C5: variants seen among roughly 807,000 people sequenced by gnomAD.
C5 encodes the protein C3 and PZP-like alpha-2-macroglobulin domain-containing protein 4.
In C5, 140 loss-of-function variants were observed where a neutral mutation model predicts 218.8. The observed-to-expected ratio is 0.64, with a 90% CI of 0.56 to 0.74. C5 has a LOEUF of 0.74. Ranked by LOEUF, C5 falls within the 30% of genes least tolerant of loss-of-function variation. The pLI, the probability that C5 is intolerant of heterozygous loss-of-function variation, is 0.00. For synonymous variants in C5, 614 were observed against 682.3 expected (o/e 0.90, Z 1.56); for missense variants, 1,700 against 1,969.6 (o/e 0.86, Z 2.59).
chr9:120,999,507 C>T (rs1293885569), intron 20 of C5, among the ~76,000 whole-genome samples: 2 of 152,184 alleles, frequency 1.3e-5, no homozygotes, highest in African/African-American at 2.4e-5. Context: ...AATCCTTGCT[C>T]AAACCTGGCT....
chr9:120,972,086 C>T, intron 30 of C5, 94 bp from the exon 31 acceptor site: 3 of 945,962 alleles, frequency 3.2e-6, no homozygotes, highest in Non-Finnish European at 5.1e-6. Flanking sequence ...CATGTACCAG[C>T]CTCCTCTCTC....
chr9:120,995,939 T>C (rs1249247556), intron 22 of C5, among the ~76,000 whole-genome samples: 1 of 151,834 alleles, frequency 6.6e-6, no homozygotes, highest in Non-Finnish European at 1.5e-5. Flanking sequence ...CTGCCTCAGC[T>C]TCCCAAATAG....
At chr9:120,987,516 G>A (rs575042254) in intron 25 of C5, among the ~76,000 whole-genome samples, 3 of 151,378 alleles carry the variant, frequency 2.0e-5, no homozygotes, top group Non-Finnish European at 4.4e-5. Flanking sequence ...GTGCGCGCCT[G>A]TAATCCCAGC....
At chr9:120,957,014 A>G (rs1348802372) in intron 39 of C5, 1 of 374,524 alleles carries the variant, frequency 2.7e-6, no homozygotes, top group Non-Finnish European at 5.1e-6. Context: ...TATCCCCTGA[A>G]CCTAAAATAA....
the C5 span, among the ~76,000 whole-genome samples, chr9:121,071,628 T>A: frequency 6.6e-6 from 1 of 152,062 alleles, no homozygotes; most frequent in African/African-American, 2.4e-5. Context: ...AAGGCTGCAG[T>A]GAGTTATGAT....
At chr9:120,982,358 C>G (rs1267633033) in intron 26 of C5, among the ~76,000 whole-genome samples, 1 of 152,208 alleles carries the variant, frequency 6.6e-6, no homozygotes, top group African/African-American at 2.4e-5. Flanking sequence ...CTTCCTGCTT[C>G]CCATTTCTCA....
rs757162315 is a variant in C5, at chr9:121,032,155, AG to A, written c.624del (p.Ser210GlnfsTer41). 1 of 1,608,744 alleles carries A rather than the reference AG, an allele frequency of 6.2e-7. No individual in the cohort carries two copies. Among genetic ancestry groups the A allele is most frequent in the South Asian group, 1.1e-5 (1 of 90,972 alleles). On this transcript the variant is annotated frameshift_variant, in exon 6 of 41. Coordinates refer to ENST00000223642, the MANE Select transcript of C5 (RefSeq NM_001735.3). LOFTEE classifies it high-confidence loss of function. Reference sequence around the variant, plus strand: ...AAATATGCGGTTCCAGTTGTTGAAAAGTCCTCTTTATATTTAGCCTTGATCG... The same window carrying A: ...AAATATGCGGTTCCAGTTGTTGAAAATCCTCTTTATATTTAGCCTTGATCG... ...MWTIKAKYKE[D>X]FSTTGTAYFE...
At chr9:120,956,670 A>G (rs896910866) in intron 39 of C5, among the ~76,000 whole-genome samples, 2 of 152,230 alleles carry the variant, frequency 1.3e-5, no homozygotes, top group African/African-American at 2.4e-5. Context: ...TTACAAGGCT[A>G]CAGTAACCAA....
At chr9:120,962,299 G>T (rs1227903545) in intron 36 of C5, among the ~76,000 whole-genome samples, 1 of 152,198 alleles carries the variant, frequency 6.6e-6, no homozygotes, top group Non-Finnish European at 1.5e-5. Context: ...AGTGTAACAA[G>T]AATATAGATG....
chr9:121,061,410 G>A, the C5 span, among the ~76,000 whole-genome samples: 1 of 152,118 alleles, frequency 6.6e-6, no homozygotes, highest in Non-Finnish European at 1.5e-5. Context: ...TTAGCCGGGC[G>A]TGGTGGCATG....
chr9:120,957,424 G>A, intron 38 of C5, 56 bp from the exon 39 acceptor site: 1 of 1,319,310 alleles, frequency 7.6e-7, no homozygotes, highest in Non-Finnish European at 1.1e-6. Context: ...TTAATGCTAT[G>A]TCCAGTAGAA....
At chr9:121,017,066 C>T (rs1409268609) in intron 14 of C5, among the ~76,000 whole-genome samples, 1 of 152,192 alleles carries the variant, frequency 6.6e-6, no homozygotes, top group African/African-American at 2.4e-5. Flanking sequence ...GCTACTATAA[C>T]TGCCATCAAC....
intron 6 of C5, among the ~76,000 whole-genome samples, chr9:121,031,740 G>T (rs539163865): frequency 6.6e-6 from 1 of 152,262 alleles, no homozygotes; most frequent in African/African-American, 2.4e-5. Flanking sequence ...TTATTAAAAA[G>T]AATTATTGCA....
intron 14 of C5, 141 bp from the exon 15 acceptor site, chr9:121,016,524 T>C: frequency 1.8e-6 from 2 of 1,081,864 alleles, no homozygotes; most frequent in East Asian, 5.1e-5. Flanking sequence ...AAAGACAAAA[T>C]TTCCCAACTT....
intron 20 of C5, among the ~76,000 whole-genome samples, chr9:121,000,485 C>T (rs2047152259): frequency 6.6e-6 from 1 of 151,892 alleles, no homozygotes; most frequent in South Asian, 2.1e-4. Flanking sequence ...ATAAATAGAT[C>T]CACATATATG....
In C5 at chr9:120,976,840, T is replaced by C. The variant is rs767192159; in HGVS notation, c.3724A>G (p.Thr1242Ala). 1.1e-5 allele frequency: 17 copies of C among 1,614,052 alleles called. No individual in the cohort carries two copies. Among genetic ancestry groups the C allele is most frequent in the Admixed American group, 1.7e-5 (1 of 60,022 alleles). Residue 1242 changes from threonine (T) to alanine (A), a missense_variant, in exon 29 of 41, where the codon ACT becomes GCT. Physicochemically the swap from Thr to Ala is moderately conservative, Grantham distance 58. Coordinates refer to ENST00000223642, the MANE Select transcript of C5 (RefSeq NM_001735.3). Reference protein sequence around the residue: ...LQHKDSSVPNTGTARMVETTA... With the variant: ...LQHKDSSVPNAGTARMVETTA... ...GTTTCTACCATACGTGCCGTACCAG[T>C]GTTAGGTACAGAGCTGTCTTTATGC...
At chr9:121,038,137 G>A (rs1321707420) in intron 3 of C5, among the ~76,000 whole-genome samples, 186 bp from the exon 4 acceptor site, 2 of 152,088 alleles carry the variant, frequency 1.3e-5, no homozygotes, top group African/African-American at 4.8e-5. Flanking sequence ...TTATTTAAGA[G>A]AATCCTCAGG....
chr9:120,998,987 GC>G (rs1467117648), intron 20 of C5, among the ~76,000 whole-genome samples: 1 of 152,160 alleles, frequency 6.6e-6, no homozygotes, highest in Non-Finnish European at 1.5e-5. Flanking sequence ...GGTGGGAGAA[GC>G]CAGAGCAAAA....
At chr9:121,044,434 C>T (rs2047608265) in intron 2 of C5, among the ~76,000 whole-genome samples, 1 of 152,112 alleles carries the variant, frequency 6.6e-6, no homozygotes, top group African/African-American at 2.4e-5. Context: ...CGATATTACA[C>T]CACTGTCTTC....
Sources: gnomAD v4.1 joint callset for allele counts (sites outside exome capture counted in the v4.1 genomes callset) on GRCh38, gnomAD v4.1.1 for gene constraint, MANE v1.5 for transcripts, NCBI Gene and HGNC (gene_info 2026-07-23, HGNC 2026-07-21) for gene names.